Variants in DLGAP2 observed in about 807,000 individuals in gnomAD.
DLGAP2 encodes the protein DLG associated protein 2.
A neutral mutation model predicts 100.3 loss-of-function variants in DLGAP2; 26 were observed. That is an observed-to-expected ratio of 0.26 (90% confidence interval 0.19 to 0.36). The LOEUF (loss-of-function observed/expected upper bound fraction) is 0.36, where lower values mean the gene tolerates loss of function less well. Ranked by LOEUF, DLGAP2 falls within the 10% of genes least tolerant of loss-of-function variation. DLGAP2 has a pLI of 1.00. For synonymous variants in DLGAP2, 886 were observed against 630.1 expected, an observed-to-expected ratio of 1.41 and a Z score of -6.08; for missense variants, 1,858 against 1,453.2, an observed-to-expected ratio of 1.28 and a Z score of -4.53.
Position 1,545,940 on chromosome 8 carries a change from T to A in DLGAP2, c.173-2686T>A, listed in dbSNP as rs138240103. On this transcript the variant is annotated intron_variant, in intron 4 of 14. Transcript: ENST00000637795. ...TTAATATGAAGGAAGATTAAAATTG[T>A]ATTAAATTACACGTTAATGGAAAAA... 1.3e-4 allele frequency among the ~76,000 whole-genome samples: 20 copies of A among 152,356 alleles called. No individual in the cohort carries two copies. The East Asian group carries it at 3.1e-3, about 23-fold the overall frequency.
intron 2 of DLGAP2, among the ~76,000 whole-genome samples, chr8:1,127,210 C>G (rs1378126001): frequency 6.6e-6 from 1 of 151,492 alleles, no homozygotes; most frequent in Non-Finnish European, 1.5e-5. Context: ...GGAGCCGCCT[C>G]TTGCAGGGTT....
chr8:1,012,499 A>G (rs1003008116), intron 2 of DLGAP2, among the ~76,000 whole-genome samples: 4 of 131,258 alleles, frequency 3.0e-5, no homozygotes, highest in African/African-American at 1.2e-4. Context: ...CCAGCCCCCC[A>G]CTTCAGCGGC....
chr8:1,260,438 C>T (rs1799322699), intron 3 of DLGAP2, among the ~76,000 whole-genome samples: 1 of 152,192 alleles, frequency 6.6e-6, no homozygotes, highest in African/African-American at 2.4e-5. Flanking sequence ...CTGCCAAGGA[C>T]AGTGGCCCAT....
intron 6 of DLGAP2, among the ~76,000 whole-genome samples, chr8:1,571,087 AG>A (rs1211475353): frequency 1.3e-3 from 130 of 96,466 alleles, no homozygotes; most frequent in African/African-American, 3.4e-3. Context: ...GGGAGGAGAG[AG>A]GGTGAACTGT....
At chr8:1,088,310 G>A (rs374130968) in intron 2 of DLGAP2, among the ~76,000 whole-genome samples, 4 of 152,128 alleles carry the variant, frequency 2.6e-5, no homozygotes, top group Non-Finnish European at 5.9e-5. Flanking sequence ...TGTCTGTGGC[G>A]GGGAGGTGTG....
chr8:1,506,379 C>T (rs527361486), intron 4 of DLGAP2, among the ~76,000 whole-genome samples: 3 of 152,238 alleles, frequency 2.0e-5, no homozygotes, highest in African/African-American at 7.2e-5. Flanking sequence ...AGCTGTGGAC[C>T]TTTTGGGTGA....
chr8:1,372,231 G>A (rs1034347797), intron 3 of DLGAP2, among the ~76,000 whole-genome samples: 3 of 88,118 alleles, frequency 3.4e-5, no homozygotes, highest in African/African-American at 1.1e-4. Context: ...GCTGGTCACC[G>A]TGGTGCCAAC....
intron 2 of DLGAP2, among the ~76,000 whole-genome samples, chr8:921,717 G>A (rs1798719959): frequency 1.3e-5 from 2 of 152,226 alleles, no homozygotes; most frequent in African/African-American, 2.4e-5. Context: ...AGGTGGCTGC[G>A]CTGCTCAGAG....
chr8:1,011,734 G>A (rs554398903), intron 2 of DLGAP2, among the ~76,000 whole-genome samples: 2 of 151,530 alleles, frequency 1.3e-5, no homozygotes, highest in South Asian at 2.1e-4. Context: ...AGCCCTGGAC[G>A]AGGGTCCTCA....
At chr8:1,211,064 A>C (rs1167052168) in intron 2 of DLGAP2, among the ~76,000 whole-genome samples, 1 of 152,254 alleles carries the variant, frequency 6.6e-6, no homozygotes, top group Non-Finnish European at 1.5e-5. Context: ...AGCCTTGGGC[A>C]TGTGGAGATC....
chr8:1,173,134 GC>G (rs1797166764), intron 2 of DLGAP2, among the ~76,000 whole-genome samples: 1 of 152,224 alleles, frequency 6.6e-6, no homozygotes, highest in South Asian at 2.1e-4. Flanking sequence ...GTTGGAGTTT[GC>G]TAGAGGTCCA....
At chr8:1,020,471 T>A (rs1401894138) in intron 2 of DLGAP2, among the ~76,000 whole-genome samples, 1 of 152,338 alleles carries the variant, frequency 6.6e-6, no homozygotes, top group South Asian at 2.1e-4. Context: ...ATCTTTTACA[T>A]GTATTATCGC....
chr8:860,897 T>C (rs1318350955), intron 1 of DLGAP2, among the ~76,000 whole-genome samples: 1 of 151,904 alleles, frequency 6.6e-6, no homozygotes, highest in Non-Finnish European at 1.5e-5. Flanking sequence ...AGGACTAGGG[T>C]GGAGGAGCAA....
intron 3 of DLGAP2, among the ~76,000 whole-genome samples, chr8:1,442,727 C>T (rs1409233137): frequency 2.7e-5 from 4 of 149,978 alleles, no homozygotes; most frequent in African/African-American, 7.4e-5. Context: ...GGCATAGACC[C>T]GCCAGGCTGC....
intron 3 of DLGAP2, among the ~76,000 whole-genome samples, chr8:1,419,542 A>G (rs183852417): frequency 6.6e-6 from 1 of 152,056 alleles, no homozygotes; most frequent in East Asian, 1.9e-4. Context: ...ATATCTGTGG[A>G]TCTTGTGTTA....
intron 2 of DLGAP2, among the ~76,000 whole-genome samples, chr8:1,160,578 T>G (rs1237480976): frequency 6.6e-6 from 1 of 152,312 alleles, no homozygotes; most frequent in Non-Finnish European, 1.5e-5. Flanking sequence ...TTTTGCCAGT[T>G]TGGGGAGTAG....
chr8:922,031 G>A (rs549915074), intron 2 of DLGAP2, among the ~76,000 whole-genome samples: 2 of 152,260 alleles, frequency 1.3e-5, no homozygotes, highest in Non-Finnish European at 2.9e-5. Flanking sequence ...ATGCTGGCCC[G>A]GGTGTGGCAC....
chr8:1,569,182 T>G (rs1395785267), intron 6 of DLGAP2, among the ~76,000 whole-genome samples: 2 of 152,034 alleles, frequency 1.3e-5, no homozygotes, highest in African/African-American at 4.8e-5. Flanking sequence ...ACAAATCCAC[T>G]CTGCCTATGG....
chr8:1,316,279 G>C (rs76859368), intron 3 of DLGAP2, among the ~76,000 whole-genome samples: 2 of 103,538 alleles, frequency 1.9e-5, no homozygotes, highest in Non-Finnish European at 3.9e-5. Context: ...GTGTGCGAGT[G>C]CAGCGTCTCT....
Sources: gnomAD v4.1 joint callset for allele counts (sites outside exome capture counted in the v4.1 genomes callset) on GRCh38, gnomAD v4.1.1 for gene constraint, MANE v1.5 for transcripts, NCBI Gene and HGNC (gene_info 2026-07-23, HGNC 2026-07-21) for gene names.